The following SDC2 variants were observed in gnomAD, a reference collection of about 807,000 sequenced individuals.
SDC2 encodes syndecan 2.
Under a neutral mutation model 22.2 loss-of-function variants are expected in SDC2, and 13 were observed. The observed-to-expected ratio is 0.59, with a 90% confidence interval of 0.38 to 0.93. The LOEUF (loss-of-function observed/expected upper bound fraction) is 0.93, where lower values mean the gene tolerates loss of function less well. Ranked by LOEUF, SDC2 falls within the 40% of genes least tolerant of loss-of-function variation. The pLI, the probability that SDC2 is intolerant of heterozygous loss-of-function variation, is 0.00. For synonymous variants in SDC2, 94 were observed against 92.8 expected, an observed-to-expected ratio of 1.01 and a Z score of -0.07; for missense variants, 235 against 246.8, an observed-to-expected ratio of 0.95 and a Z score of 0.32.
intron 1 of SDC2, among the ~76,000 whole-genome samples, chr8:96,524,759 C>G (rs1813552270): frequency 6.6e-6 from 1 of 152,132 alleles, no homozygotes; most frequent in Admixed American, 6.5e-5. Context: ...CAATACAAGT[C>G]AGAGCACTGC....
intron 1 of SDC2, among the ~76,000 whole-genome samples, chr8:96,499,397 G>GATGA (rs1813125602): frequency 6.6e-6 from 1 of 152,202 alleles, no homozygotes; most frequent in African/African-American, 2.4e-5. Context: ...AAGCGACTGA[G>GATGA]ATGATTCTAA....
intron 3 of SDC2, among the ~76,000 whole-genome samples, chr8:96,603,326 C>A (rs960981569): frequency 6.6e-6 from 1 of 152,192 alleles, no homozygotes; most frequent in Non-Finnish European, 1.5e-5. Context: ...CACCTGAGAC[C>A]TAGTCACCAT....
At chr8:96,561,036 G>A (rs563147926) in intron 1 of SDC2, among the ~76,000 whole-genome samples, 12 of 152,120 alleles carry the variant, frequency 7.9e-5, no homozygotes, top group South Asian at 2.1e-4. Flanking sequence ...CCCAGGAGGC[G>A]GAGGTTGCAA....
chr8:96,562,354 C>A (rs2118060), intron 1 of SDC2, among the ~76,000 whole-genome samples: 138,803 of 152,218 alleles, frequency 0.91, 63,539 homozygotes, highest in African/African-American at 0.94. Flanking sequence ...TGACTTAATG[C>A]TGAAAAGAGG....
chr8:96,571,099 T>C (rs1814386706), intron 1 of SDC2, among the ~76,000 whole-genome samples: 1 of 152,144 alleles, frequency 6.6e-6, no homozygotes. Flanking sequence ...AGCCAAAAAA[T>C]ATGTGTCACA....
intron 1 of SDC2, among the ~76,000 whole-genome samples, chr8:96,574,618 T>C (rs1814456110): frequency 1.3e-5 from 2 of 152,222 alleles, no homozygotes; most frequent in Non-Finnish European, 2.9e-5. Flanking sequence ...CTGTGTGGTC[T>C]GCAGGACCTT....
At chr8:96,510,649 G>A (rs1296185218) in intron 1 of SDC2, among the ~76,000 whole-genome samples, 1 of 152,148 alleles carries the variant, frequency 6.6e-6, no homozygotes, top group Non-Finnish European at 1.5e-5. Flanking sequence ...CACTCAACAT[G>A]TATCTGTCCT....
chr8:96,562,958 CT>C (rs1814235312), intron 1 of SDC2, among the ~76,000 whole-genome samples: 1 of 152,010 alleles, frequency 6.6e-6, no homozygotes, highest in Admixed American at 6.6e-5. Flanking sequence ...TATTTCCTAA[CT>C]TTTCGCCTTC....
At chr8:96,589,294 G>A (rs1053738993) in intron 1 of SDC2, among the ~76,000 whole-genome samples, 4 of 152,184 alleles carry the variant, frequency 2.6e-5, no homozygotes, top group African/African-American at 9.7e-5. Context: ...GGTGCCTGGG[G>A]TTTGGGTAGA....
intron 3 of SDC2, among the ~76,000 whole-genome samples, chr8:96,603,810 A>AC (rs1815032700): frequency 6.6e-6 from 1 of 152,186 alleles, no homozygotes; most frequent in African/African-American, 2.4e-5. Context: ...AGGGTCAATT[A>AC]CTATTAGTGG....
At chr8:96,527,719 G>A (rs1020243443) in intron 1 of SDC2, among the ~76,000 whole-genome samples, 1 of 152,180 alleles carries the variant, frequency 6.6e-6, no homozygotes, top group Non-Finnish European at 1.5e-5. Context: ...TCTGTAGGGT[G>A]CATTTAAAAG....
chr8:96,503,387 A>T (rs1451417827), intron 1 of SDC2, among the ~76,000 whole-genome samples: 1 of 152,222 alleles, frequency 6.6e-6, no homozygotes, highest in Non-Finnish European at 1.5e-5. Flanking sequence ...AAGGGTATTT[A>T]TAACTTAGAA....
At chr8:96,541,790 A>G (rs950004526) in intron 1 of SDC2, among the ~76,000 whole-genome samples, 1 of 152,224 alleles carries the variant, frequency 6.6e-6, no homozygotes, top group Non-Finnish European at 1.5e-5. Context: ...ATTGCAGAAC[A>G]ATGAGTATAT....
rs1257698910 is a variant in SDC2 at position 96,564,501 on chromosome 8, T to G, written c.61-28979T>G. ...ATTTTGCTGGTGTAGAATGCAGGCC[T>G]TGACCGTAGAGTTGTGTGGGTTGCA... On this transcript the variant is annotated intron_variant, in intron 1 of 4. Coordinates refer to ENST00000302190, the MANE Select transcript of SDC2 (RefSeq NM_002998.4). Among the ~76,000 whole-genome samples, 7 of 152,330 alleles carry G rather than the reference T, an allele frequency of 4.6e-5. No homozygotes were observed. The East Asian group carries it at 1.4e-3, about 29-fold the overall frequency.
intron 1 of SDC2, among the ~76,000 whole-genome samples, chr8:96,583,917 G>A (rs1416422685): frequency 6.6e-6 from 1 of 152,096 alleles, no homozygotes; most frequent in African/African-American, 2.4e-5. Context: ...TGGGCATTGA[G>A]ATTGTCTCCC....
At chr8:96,495,493 A>T (rs149573794) in intron 1 of SDC2, among the ~76,000 whole-genome samples, 4 of 151,818 alleles carry the variant, frequency 2.6e-5, no homozygotes, top group Non-Finnish European at 5.9e-5. Context: ...TTTCGTCTGC[A>T]GCCTCAGTGC....
At chr8:96,511,093 C>T (rs1813320223) in intron 1 of SDC2, among the ~76,000 whole-genome samples, 1 of 152,168 alleles carries the variant, frequency 6.6e-6, no homozygotes, top group East Asian at 1.9e-4. Context: ...CAATCAGAAA[C>T]TTTGCAGGTA....
At chr8:96,509,048 C>T (rs1336507393) in intron 1 of SDC2, among the ~76,000 whole-genome samples, 1 of 142,250 alleles carries the variant, frequency 7.0e-6, no homozygotes. Context: ...TTAATGGCTT[C>T]TCTCTGCAAA....
intron 1 of SDC2, among the ~76,000 whole-genome samples, chr8:96,495,285 G>T (rs1204239605): frequency 6.6e-6 from 1 of 152,334 alleles, no homozygotes; most frequent in Middle Eastern, 3.4e-3. Context: ...CCGGCACCCA[G>T]CTTCCCTCCC....
Sources: allele counts gnomAD v4.1 joint callset (sites outside exome capture counted in the v4.1 genomes callset), GRCh38; gene constraint gnomAD v4.1.1; transcripts MANE v1.5; gene names NCBI Gene and HGNC (gene_info 2026-07-23, HGNC 2026-07-21).